Variants in KMT2C observed in about 807,000 individuals in gnomAD.
KMT2C encodes the protein lysine methyltransferase 2C, also known as histone-lysine N-methyltransferase 2C.
KMT2C carries 88 observed loss-of-function variants against 507.9 expected under a neutral mutation model. That is an observed-to-expected ratio of 0.17 (90% CI 0.15 to 0.21). The LOEUF is 0.21. KMT2C is among the 10% of genes least tolerant of loss of function. The probability of loss-of-function intolerance (pLI) is 1.00; values close to 1 mark genes in which losing one functional copy is unlikely to be tolerated. For missense variants in KMT2C, 4,954 were observed against 5,957.8 expected (o/e 0.83, Z 5.55); for synonymous variants, 2,049 against 2,080.8 (o/e 0.98, Z 0.42).
intron 6 of KMT2C, among the ~76,000 whole-genome samples, chr7:152,297,393 G>C (rs978127278): frequency 6.6e-6 from 1 of 152,182 alleles, no homozygotes; most frequent in South Asian, 2.1e-4. Context: ...GAGGTCTATA[G>C]AGATCTTCTC....
At chr7:152,188,411 C>T (rs1348465239) in intron 31 of KMT2C, among the ~76,000 whole-genome samples, 2 of 151,968 alleles carry the variant, frequency 1.3e-5, no homozygotes, top group Non-Finnish European at 2.9e-5. Flanking sequence ...ATGTACAGCT[C>T]TAAACATAGT....
At chr7:152,293,882 A>C (rs2096459955) in intron 6 of KMT2C, among the ~76,000 whole-genome samples, 1 of 152,102 alleles carries the variant, frequency 6.6e-6, no homozygotes, top group Non-Finnish European at 1.5e-5. Flanking sequence ...TTTTGAGACA[A>C]AGTCTGGCTC....
chr7:152,416,265 G>T (rs994176766), intron 1 of KMT2C, among the ~76,000 whole-genome samples: 82 of 152,346 alleles, frequency 5.4e-4, no homozygotes, highest in African/African-American at 1.9e-3. Context: ...TCAGGCGTAG[G>T]CCAGGCGCGA....
chr7:152,178,525 C>A (rs1056338173), intron 37 of KMT2C, among the ~76,000 whole-genome samples: 2 of 152,078 alleles, frequency 1.3e-5, no homozygotes, highest in Non-Finnish European at 2.9e-5. Flanking sequence ...ACAAGTAGGC[C>A]TCATCTATAA....
intron 6 of KMT2C, among the ~76,000 whole-genome samples, chr7:152,309,534 T>TTA (rs2096651795): frequency 7.4e-6 from 1 of 135,056 alleles, no homozygotes; most frequent in African/African-American, 2.9e-5. Context: ...TTTTTTTTTT[T>TTA]AATTAAACGG....
At position 152,248,516 on chromosome 7, in the gene KMT2C, C is replaced by G. The variant is rs770827883; in HGVS notation, c.1918G>C (p.Glu640Gln). ...TCCATTTTATCTTCAATTTGATCTT[C>G]GCCACAAATATGCTTCACTTCAGAA... ...MSSEVKHICG[E>Q]DQIEDKMEVT... Residue 640 changes from glutamate (E) to glutamine (Q), a missense_variant, in exon 14 of 59, where the codon GAA becomes CAA. This residue lies in a region of KMT2C where 376 missense variants were observed against 352.4 expected (regional missense o/e 1.07). Coordinates refer to ENST00000262189, the MANE Select transcript of KMT2C (RefSeq NM_170606.3). 4.3e-6 allele frequency: 7 copies of G among 1,613,784 alleles called. No homozygotes were observed. The South Asian group carries it at 7.7e-5, about 18-fold the overall frequency.
intron 6 of KMT2C, among the ~76,000 whole-genome samples, chr7:152,282,684 T>C (rs1006572106): frequency 1.3e-5 from 2 of 152,090 alleles, no homozygotes; most frequent in African/African-American, 4.8e-5. Flanking sequence ...TTTGGGGAGT[T>C]AGGAATAGTA....
intron 9 of KMT2C, 130 bp from the exon 10 acceptor site, chr7:152,252,845 AT>A: frequency 1.5e-6 from 1 of 662,698 alleles, no homozygotes; most frequent in Non-Finnish European, 2.5e-6. Context: ...CATGACACTA[AT>A]TTAGGGTACA....
At chr7:152,244,507 C>G (rs1037272585) in intron 14 of KMT2C, among the ~76,000 whole-genome samples, 2 of 151,970 alleles carry the variant, frequency 1.3e-5, no homozygotes, top group African/African-American at 4.8e-5. Flanking sequence ...CACAGCAAGA[C>G]CCCCATCTCT....
Position 152,154,159 on chromosome 7 carries a change from A to G in KMT2C, c.12140-13T>C. On this transcript the variant is annotated splice_polypyrimidine_tract_variant and intron_variant, in intron 47 of 58. Coordinates refer to ENST00000262189, the MANE Select transcript of KMT2C (RefSeq NM_170606.3). ...CTTGATTCTGAACCTTTAAAAAGAG[A>G]GAAAAAAAAGAGGAAAATAGTGTTA... The G allele has an allele frequency of 6.2e-7, 1 of 1,612,102 alleles. No homozygotes were observed. Among genetic ancestry groups the G allele is most frequent in the Non-Finnish European group, 8.5e-7 (1 of 1,179,438 alleles).
chr7:152,331,684 G>C (rs1450340924), intron 2 of KMT2C, among the ~76,000 whole-genome samples: 1 of 115,276 alleles, frequency 8.7e-6, no homozygotes, highest in African/African-American at 3.5e-5. Flanking sequence ...GTCTCGCTCT[G>C]TCCACCCAGG....
At chr7:152,244,404 C>T (rs112789679) in intron 14 of KMT2C, among the ~76,000 whole-genome samples, 2 of 152,088 alleles carry the variant, frequency 1.3e-5, no homozygotes, top group South Asian at 2.1e-4. Flanking sequence ...ATGGGCCAGG[C>T]GCTGTGGGGC....
At chr7:152,337,047 T>C (rs1397758036) in intron 2 of KMT2C, among the ~76,000 whole-genome samples, 7 of 152,078 alleles carry the variant, frequency 4.6e-5, no homozygotes, top group Middle Eastern at 3.2e-3. Context: ...TCCCAGCACT[T>C]TGGGAAGCAG....
At chr7:152,223,017 C>T (rs1438019410) in intron 20 of KMT2C, among the ~76,000 whole-genome samples, 1 of 152,160 alleles carries the variant, frequency 6.6e-6, no homozygotes, top group Admixed American at 6.5e-5. Flanking sequence ...CTGCAAATGG[C>T]AGTGCTAGCA....
intron 9 of KMT2C, among the ~76,000 whole-genome samples, chr7:152,256,348 A>T (rs1235106972): frequency 6.6e-6 from 1 of 152,004 alleles, no homozygotes; most frequent in Non-Finnish European, 1.5e-5. Context: ...TAATAAAAAC[A>T]AAGTCAAAAG....
At chr7:152,433,998 G>C (rs1392732014) in intron 1 of KMT2C, among the ~76,000 whole-genome samples, 1 of 152,212 alleles carries the variant, frequency 6.6e-6, no homozygotes, top group Non-Finnish European at 1.5e-5. Context: ...TTCAGTAAGA[G>C]ATGAAGAAAT....
At chr7:152,199,234 A>G in intron 27 of KMT2C, 45 bp downstream of exon 27, 1 of 1,429,902 alleles carries the variant, frequency 7.0e-7, no homozygotes, top group Non-Finnish European at 9.5e-7. Context: ...AGGAAGATGT[A>G]TGTTATATGA....
chr7:152,286,857 C>T (rs1171962801), intron 6 of KMT2C, among the ~76,000 whole-genome samples: 24 of 151,834 alleles, frequency 1.6e-4, no homozygotes, highest in African/African-American at 3.6e-4. Flanking sequence ...CACACACATA[C>T]GTAAAACTCC....
intron 1 of KMT2C, among the ~76,000 whole-genome samples, chr7:152,366,428 CAT>C (rs1235592855): frequency 6.6e-6 from 1 of 152,140 alleles, no homozygotes; most frequent in Non-Finnish European, 1.5e-5. Flanking sequence ...GAATTTCTGA[CAT>C]ATGCGATACT....
Sources: gnomAD v4.1 joint callset for allele counts (sites outside exome capture counted in the v4.1 genomes callset) on GRCh38, gnomAD v4.1.1 for gene constraint, gnomAD v4.1.1 regional missense constraint, MANE v1.5 for transcripts, NCBI Gene and HGNC (gene_info 2026-07-23, HGNC 2026-07-21) for gene names.